Variants in ATP1A2 observed in about 807,000 individuals in gnomAD.
ATP1A2 encodes ATPase Na+/K+ transporting subunit alpha 2.
ATP1A2 carries 56 observed loss-of-function variants against 113.1 expected under a neutral mutation model. That is an observed-to-expected ratio of 0.49 (90% CI 0.40 to 0.62). The LOEUF is 0.62. Among genes scored for constraint, ATP1A2 ranks in the 20% least tolerant of loss-of-function variants. ATP1A2 has a pLI of 0.00. For missense variants in ATP1A2, 712 were observed against 1,357.8 expected (o/e 0.52, Z 7.47); for synonymous variants, 490 against 526.8 (o/e 0.93, Z 0.96).
At chr1:160,138,015 A>C (rs1178008598) in intron 20 of ATP1A2, among the ~76,000 whole-genome samples, 1 of 152,202 alleles carries the variant, frequency 6.6e-6, no homozygotes, top group African/African-American at 2.4e-5. Flanking sequence ...AATTGGGTAT[A>C]ATTCTGGGGC....
At position 160,135,178 on chromosome 1, in the gene ATP1A2, C is replaced by T; in HGVS notation, c.1998C>T (p.Asp666=). The part of the protein sequence containing the change: ...EAKACVVHGS[D]LKDMTSEQLD... ...AGGCATGCGTGGTGCACGGCTCTGA[C>T]CTGAAGGACATGACATCGGAGCAGC... The change falls in exon 15 of 23, where the codon GAC becomes GAT. Residue 666 remains aspartate (D), a synonymous_variant. Transcript: ENST00000361216. This position sits in a 1 kb window ranked among gnomAD's most constrained non-coding sequence, Gnocchi z 6.3. 1 of 1,614,122 alleles carries T rather than the reference C, an allele frequency of 6.2e-7. No homozygotes were observed. The highest frequency in any genetic ancestry group is 8.5e-7 in the Non-Finnish European group (1 of 1,180,016).
Position 160,135,753 on chromosome 1 carries a change from T to C in ATP1A2, c.2285-86T>C, listed in dbSNP as rs59070876. The C allele has an allele frequency of 4.3e-3, 6,852 of 1,611,236 alleles. 253 individuals are homozygous for C. In the African/African-American group the frequency reaches 0.081, roughly 19 times the overall value. Reference sequence around the variant, plus strand: ...CCTTGAACACAAAATCTTCCTCTCTTGGGAAGACAGGCAGCCATGCTTCAG... The same window carrying C: ...CCTTGAACACAAAATCTTCCTCTCTCGGGAAGACAGGCAGCCATGCTTCAG... On this transcript the variant is annotated intron_variant, in intron 16 of 22. Coordinates refer to ENST00000361216, the MANE Select transcript of ATP1A2 (RefSeq NM_000702.4). The surrounding 1 kb of genome is among the most constrained non-coding windows in gnomAD (Gnocchi z 6.3).
chr1:160,134,187 TCA>T (rs1274876002), intron 13 of ATP1A2, among the ~76,000 whole-genome samples: 6 of 72,534 alleles, frequency 8.3e-5, no homozygotes, highest in East Asian at 4.0e-4. Context: ...ACATTCCCTC[TCA>T]CACACACACA....
At chr1:160,140,420 G>T (rs1652107190) in intron 22 of ATP1A2, among the ~76,000 whole-genome samples, 1 of 152,102 alleles carries the variant, frequency 6.6e-6, no homozygotes, top group Admixed American at 6.6e-5. Context: ...TTTCCTACAA[G>T]CGTTTTTTAA....
chr1:160,138,208 T>G (rs1652016540), intron 20 of ATP1A2, among the ~76,000 whole-genome samples: 1 of 152,226 alleles, frequency 6.6e-6, no homozygotes, highest in African/African-American at 2.4e-5. Context: ...CTGGGGATCC[T>G]CAGAGATGCT....
intron 1 of ATP1A2, among the ~76,000 whole-genome samples, chr1:160,118,028 CAGGCTCCTGGCTGCAG>C (rs2101981634): frequency 6.6e-6 from 1 of 152,180 alleles, no homozygotes; most frequent in Admixed American, 6.5e-5. Flanking sequence ...CAAATCTCTG[CAGGCTCCTGGCTGCAG>C]AGCCTGAGAT....
At position 160,142,240 on chromosome 1, in the gene ATP1A2, TC is replaced by T. The variant is rs1488827155; in HGVS notation, c.*920del. ...ACACTTCACCTTCTGTAATACTAAG[TC>T]CTCAGAGCTCCATGCTGTTCTGAAA... On this transcript the variant is annotated 3_prime_UTR_variant, in exon 23 of 23. Transcript: ENST00000361216. 1 of 152,222 alleles carries T rather than the reference TC, an allele frequency of 6.6e-6. No homozygotes were observed. Among genetic ancestry groups the T allele is most frequent in the Non-Finnish European group, 1.5e-5 (1 of 68,060 alleles). 9.4% of individuals were successfully genotyped at this position (152,222 alleles called of 1,614,324 possible).
In ATP1A2 at chr1:160,136,052, G is replaced by A. The variant is rs1651925565; in HGVS notation, c.2439+59G>A. ...GGCAATCGTGATGGCACAGTGGCAG[G>A]GAGGAGAGGTGCACTGGGGCAGTGG... On this transcript the variant is annotated intron_variant, in intron 17 of 22. Coordinates refer to ENST00000361216, the MANE Select transcript of ATP1A2 (RefSeq NM_000702.4). 5.0e-6 allele frequency: 8 copies of A among 1,613,390 alleles called. No homozygotes were observed. The South Asian group carries it at 8.8e-5, about 18-fold the overall frequency.
rs542402027 is a variant in ATP1A2 at position 160,117,478 on chromosome 1, C to T, written c.12+1605C>T. On this transcript the variant is annotated intron_variant, in intron 1 of 22. Transcript: ENST00000361216. ...TTTCCCCTAGCACCCCCAAACTCCCCTTAATCACCATCCTAAGTTGCTGTG... is the reference window on the plus strand; with the variant it reads ...TTTCCCCTAGCACCCCCAAACTCCCTTTAATCACCATCCTAAGTTGCTGTG... Among the ~76,000 whole-genome samples, 5 of 152,256 alleles carry T rather than the reference C, an allele frequency of 3.3e-5. No homozygotes were observed. In the South Asian group the frequency reaches 1.0e-3, roughly 32 times the overall value.
chr1:160,123,230 G>C lies in ATP1A2; in HGVS notation c.195G>C (p.Arg65=), dbSNP rs374747653. The part of the protein sequence containing the change: ...VDLSKGLTNQ[R]AQDVLARDGP... ...TCCCTCAGGGCCTCACCAACCAGCG[G>C]GCTCAGGACGTTCTGGCTCGAGATG... is the stretch of plus-strand genomic sequence containing the variant. Residue 65 remains arginine, a synonymous_variant, in exon 4 of 23, where the codon CGG becomes CGC. Transcript: ENST00000361216. 6.2e-7 allele frequency: 1 copy of C among 1,614,062 alleles called. No individual in the cohort carries two copies. The highest frequency in any genetic ancestry group is 8.5e-7 in the Non-Finnish European group (1 of 1,180,032).
At chr1:160,134,106 A>T (rs1651849887) in intron 13 of ATP1A2, among the ~76,000 whole-genome samples, 1 of 125,788 alleles carries the variant, frequency 7.9e-6, no homozygotes, top group Non-Finnish European at 1.6e-5. Flanking sequence ...ACACGCACAC[A>T]TACACAAATC....
rs772082739 is a variant in ATP1A2, at chr1:160,123,429, G to A, written c.381+13G>A. 18 of 1,613,972 alleles carry A rather than the reference G, an allele frequency of 1.1e-5. No individual in the cohort carries two copies. Among genetic ancestry groups the A allele is most frequent in the Middle Eastern group, 1.6e-4 (1 of 6,084 alleles). ...ATCCAACGACAATGTGAGCCCACAC[G>A]CCCGACCCGGGAACAGCCCGTGACT... On this transcript the variant is annotated intron_variant, in intron 4 of 22. Coordinates refer to ENST00000361216, the MANE Select transcript of ATP1A2 (RefSeq NM_000702.4).
chr1:160,120,938 G>T lies in ATP1A2; in HGVS notation c.45G>T (p.Thr15=). ...GTGAGTACTCACCTGCCGCCACCAC[G>T]GCAGAGAATGGGGGCGGCAAGAAGA... ...AGREYSPAAT[T]AENGGGKKKQ... is the part of the protein sequence containing the mutation. Residue 15 remains threonine (T), a synonymous_variant, in exon 2 of 23, where the codon ACG becomes ACT. Transcript: ENST00000361216. 1.2e-6 allele frequency: 2 copies of T among 1,608,880 alleles called. No homozygotes were observed. Among genetic ancestry groups the T allele is most frequent in the South Asian group, 2.2e-5 (2 of 90,378 alleles).
intron 6 of ATP1A2, among the ~76,000 whole-genome samples, chr1:160,124,721 T>C (rs916232445): frequency 3.3e-5 from 5 of 152,244 alleles, no homozygotes; most frequent in African/African-American, 1.2e-4. Context: ...CGATGTGCTA[T>C]CTGATGTAAT....
chr1:160,127,477 T>C (rs1265382794), intron 7 of ATP1A2, 75 bp from the exon 8 acceptor site: 5 of 1,603,694 alleles, frequency 3.1e-6, no homozygotes, highest in Non-Finnish European at 4.3e-6. Context: ...TGATTTTCCT[T>C]GCTCAGGAAA....
intron 17 of ATP1A2, 23 bp downstream of exon 17, chr1:160,136,016 G>A (rs567277510): frequency 6.2e-7 from 1 of 1,614,128 alleles, no homozygotes; most frequent in South Asian, 1.1e-5. Context: ...GGTGGAGGAG[G>A]GGACAGGCAA....
rs762744089 is a variant in ATP1A2 at position 160,135,196 on chromosome 1, G to T, written c.2016G>T (p.Ser672=). 7 of 1,614,162 alleles carry T rather than the reference G, an allele frequency of 4.3e-6. No individual in the cohort carries two copies. Among genetic ancestry groups the T allele is most frequent in the Non-Finnish European group, 5.9e-6 (7 of 1,180,030 alleles). ...VHGSDLKDMT[S]EQLDEILKNH... is the part of the protein sequence containing the mutation. ...GCTCTGACCTGAAGGACATGACATC[G>T]GAGCAGCTCGATGAGATCCTCAAGA... is the stretch of plus-strand genomic sequence containing the variant. The change falls in exon 15 of 23, where the codon TCG becomes TCT. Residue 672 remains serine (S), a synonymous_variant. Transcript: ENST00000361216. This position sits in a 1 kb window ranked among gnomAD's most constrained non-coding sequence, Gnocchi z 6.3.
At chr1:160,118,761 C>T (rs1008683224) in intron 1 of ATP1A2, among the ~76,000 whole-genome samples, 5 of 152,154 alleles carry the variant, frequency 3.3e-5, no homozygotes, top group Non-Finnish European at 7.3e-5. Flanking sequence ...CTTCTCCTTG[C>T]ATCCCCCACC....
At chr1:160,124,153 A>G (rs932749185) in intron 5 of ATP1A2, 97 bp downstream of exon 5, 6 of 1,565,956 alleles carry the variant, frequency 3.8e-6, no homozygotes, top group African/African-American at 2.7e-5. Context: ...ATAGAGATGG[A>G]CAGAAAAGAT....
Sources: allele counts gnomAD v4.1 joint callset (sites outside exome capture counted in the v4.1 genomes callset), GRCh38; gene constraint gnomAD v4.1.1; non-coding constraint Gnocchi (gnomAD v3.1); transcripts MANE v1.5; gene names NCBI Gene and HGNC (gene_info 2026-07-23, HGNC 2026-07-21).